ACTN4: variants seen among roughly 807,000 people sequenced by gnomAD.
The protein encoded by ACTN4 is alpha-actinin-4.
A neutral mutation model predicts 114.2 loss-of-function variants in ACTN4; 18 were observed. That is an observed-to-expected ratio of 0.16 (90% CI 0.11 to 0.23). The LOEUF (loss-of-function observed/expected upper bound fraction) is 0.23, where lower values mean the gene tolerates loss of function less well. Ranked by LOEUF, ACTN4 falls within the 10% of genes least tolerant of loss-of-function variation. The probability of loss-of-function intolerance (pLI) is 1.00; values close to 1 mark genes in which losing one functional copy is unlikely to be tolerated. For missense variants in ACTN4, 722 were observed against 1,262.9 expected (o/e 0.57, Z 6.49); for synonymous variants, 515 against 506.3 (o/e 1.02, Z -0.23).
intron 9 of ACTN4, among the ~76,000 whole-genome samples, chr19:38,716,363 G>A (rs370094956): frequency 2.0e-5 from 3 of 152,380 alleles, no homozygotes; most frequent in Admixed American, 1.3e-4. Flanking sequence ...ACTGAGCCAG[G>A]TGGGCTTGTC....
intron 1 of ACTN4, among the ~76,000 whole-genome samples, chr19:38,666,576 G>A (rs973868997): frequency 6.6e-6 from 1 of 152,230 alleles, no homozygotes; most frequent in African/African-American, 2.4e-5. Flanking sequence ...ACACAGGTCC[G>A]CAGTGGGAGC....
Position 38,673,238 on chromosome 19 carries a change from C to G in ACTN4, c.162+25331C>G, listed in dbSNP as rs1167623941. Among the ~76,000 whole-genome samples the G allele has an allele frequency of 7.9e-5, 12 of 151,452 alleles. 1 individual carries two copies. Among genetic ancestry groups the G allele is most frequent in the Admixed American group, 7.3e-4 (11 of 15,082 alleles). ...GATTACAGGCATGAGCCACCACACCCGGCCTATTCATCATTTATTGAGCAT... is the reference window on the plus strand; with the variant it reads ...GATTACAGGCATGAGCCACCACACCGGGCCTATTCATCATTTATTGAGCAT... On this transcript the variant is annotated intron_variant, in intron 1 of 20. Coordinates refer to ENST00000252699, the MANE Select transcript of ACTN4 (RefSeq NM_004924.6).
chr19:38,717,029 C>T lies in ACTN4; in HGVS notation c.913-57C>T. 1.9e-6 allele frequency: 3 copies of T among 1,546,504 alleles called. No individual in the cohort carries two copies. Among genetic ancestry groups the T allele is most frequent in the Non-Finnish European group, 2.6e-6 (3 of 1,138,004 alleles). ...CATGTGCCCATAAGCTGGGGGGCAG[C>T]CCGTCAGCACTCTGAGGGTCCCCCA... On this transcript the variant is annotated intron_variant, in intron 9 of 20. Coordinates refer to ENST00000252699, the MANE Select transcript of ACTN4 (RefSeq NM_004924.6). The surrounding 1 kb of genome is among the most constrained non-coding windows in gnomAD (Gnocchi z 4.0).
Position 38,704,951 on chromosome 19 carries a change from G to A in ACTN4, c.415G>A (p.Ala139Thr), listed in dbSNP as rs1200412339. Residue 139 changes from alanine to threonine, a missense_variant, in exon 4 of 21, where the codon GCA (alanine) becomes ACA (threonine). Ala to Thr is a moderately conservative substitution (Grantham distance 58, BLOSUM62 0). Transcript: ENST00000252699. ...GTGTGCAGAGATTGTGGACGGCAACGCAAAGATGACCCTGGGAATGATCTG... is the reference window on the plus strand; with the variant it reads ...GTGTGCAGAGATTGTGGACGGCAACACAAAGATGACCCTGGGAATGATCTG... ...IGAEEIVDGN[A>T]KMTLGMIWTI... 14 of 1,614,062 alleles carry A rather than the reference G, an allele frequency of 8.7e-6. No homozygotes were observed. Among genetic ancestry groups the A allele is most frequent in the South Asian group, 7.7e-5 (7 of 91,092 alleles).
chr19:38,675,129 G>A (rs1207408380), intron 1 of ACTN4, among the ~76,000 whole-genome samples: 3 of 152,228 alleles, frequency 2.0e-5, no homozygotes, highest in African/African-American at 4.8e-5. Context: ...TGTTTTCTGT[G>A]TTGCTGGTGG....
At chr19:38,652,793 TGTG>T (rs2144821724) in intron 1 of ACTN4, among the ~76,000 whole-genome samples, 1 of 152,212 alleles carries the variant, frequency 6.6e-6, no homozygotes, top group Non-Finnish European at 1.5e-5. Flanking sequence ...TCAGTTAAAA[TGTG>T]GTCTTATGGC....
In ACTN4 at chr19:38,701,007, C is replaced by T. The variant is rs771850037; in HGVS notation, c.283C>T (p.Arg95Trp). Residue 95 changes from arginine to tryptophan, a missense_variant, in exon 3 of 21, where the codon CGG (arginine) becomes TGG (tryptophan). Physicochemically the swap from Arg to Trp is moderately radical, Grantham distance 101. Coordinates refer to ENST00000252699, the MANE Select transcript of ACTN4 (RefSeq NM_004924.6). ...MLLLEVISGE[R>W]LPKPERGKMR... The stretch of plus-strand genomic sequence containing the variant: ...TCTCTTTGTGCACTTCTCAGGGGAG[C>T]GGTTACCTAAGCCGGAGCGGGGGAA... 1.2e-5 allele frequency: 20 copies of T among 1,613,744 alleles called. No individual in the cohort carries two copies. Among genetic ancestry groups the T allele is most frequent in the South Asian group, 2.2e-5 (2 of 91,080 alleles).
At chr19:38,716,900 C>A (rs943034764) in intron 9 of ACTN4, among the ~76,000 whole-genome samples, 186 bp from the exon 10 acceptor site, 1 of 152,372 alleles carries the variant, frequency 6.6e-6, no homozygotes, top group South Asian at 2.1e-4. Context: ...AGGGAGCCCA[C>A]GCTCCCAGAG....
At chr19:38,651,134 C>T (rs1976549958) in intron 1 of ACTN4, among the ~76,000 whole-genome samples, 1 of 152,174 alleles carries the variant, frequency 6.6e-6, no homozygotes, top group Non-Finnish European at 1.5e-5. Context: ...GAATGACAGT[C>T]CTGGGGGTTC....
intron 1 of ACTN4, among the ~76,000 whole-genome samples, chr19:38,690,218 C>T (rs2144953907): frequency 6.6e-6 from 1 of 152,344 alleles, no homozygotes. Context: ...CAACTGCACA[C>T]TCTTCTGGTC....
At chr19:38,690,494 T>C (rs958167026) in intron 1 of ACTN4, among the ~76,000 whole-genome samples, 12 of 152,220 alleles carry the variant, frequency 7.9e-5, no homozygotes, top group Admixed American at 6.5e-5. Context: ...CGGCTTCTAA[T>C]AGAGCTATAA....
intron 1 of ACTN4, among the ~76,000 whole-genome samples, chr19:38,680,522 C>T (rs990700872): frequency 1.3e-5 from 2 of 152,064 alleles, no homozygotes; most frequent in Admixed American, 6.6e-5. Flanking sequence ...TGAATGCCCA[C>T]GTGAGCAAAT....
At chr19:38,673,692 T>TC (rs1491102629) in intron 1 of ACTN4, among the ~76,000 whole-genome samples, 2 of 74,556 alleles carry the variant, frequency 2.7e-5, no homozygotes, top group African/African-American at 1.0e-4. Context: ...TTATATATAT[T>TC]ATATATATTT....
intron 3 of ACTN4, among the ~76,000 whole-genome samples, chr19:38,701,691 C>CTAG (rs1430331987): frequency 6.6e-6 from 1 of 152,232 alleles, no homozygotes; most frequent in African/African-American, 2.4e-5. Context: ...GACCACAGTC[C>CTAG]ACTACCTGCA....
intron 1 of ACTN4, among the ~76,000 whole-genome samples, chr19:38,673,637 TTATATATA>T (rs1258704932): frequency 9.0e-5 from 4 of 44,410 alleles, no homozygotes; most frequent in Non-Finnish European, 1.0e-4. Flanking sequence ...TCATATATAT[TTATATATA>T]TTTATATATT....
intron 4 of ACTN4, among the ~76,000 whole-genome samples, chr19:38,705,565 C>T (rs1162548085): frequency 6.6e-6 from 1 of 152,234 alleles, no homozygotes; most frequent in Non-Finnish European, 1.5e-5. Context: ...GCTTCCTGCC[C>T]TCGAAGGGCT....
intron 1 of ACTN4, among the ~76,000 whole-genome samples, chr19:38,696,035 A>T (rs1025106223): frequency 6.6e-6 from 1 of 151,874 alleles, no homozygotes; most frequent in Non-Finnish European, 1.5e-5. Flanking sequence ...CAGTACTAGC[A>T]CCTCCCTCCA....
In ACTN4 at chr19:38,727,163, C is replaced by G; in HGVS notation, c.2337+60C>G. On this transcript the variant is annotated intron_variant, in intron 18 of 20. Transcript: ENST00000252699. This position sits in a 1 kb window ranked among gnomAD's most constrained non-coding sequence, Gnocchi z 5.4. Reference sequence around the variant, plus strand: ...CCCGCCGTTGCCGTACCAGCCCACACCTTCGTCTCTGCATCTGTTCGTCCA... The same window carrying G: ...CCCGCCGTTGCCGTACCAGCCCACAGCTTCGTCTCTGCATCTGTTCGTCCA... The G allele has an allele frequency of 6.2e-7, 1 of 1,611,988 alleles. No individual in the cohort carries two copies. The highest frequency in any genetic ancestry group is 8.5e-7 in the Non-Finnish European group (1 of 1,178,924).
chr19:38,662,092 A>G (rs1976905141), intron 1 of ACTN4, among the ~76,000 whole-genome samples: 1 of 152,202 alleles, frequency 6.6e-6, no homozygotes, highest in African/African-American at 2.4e-5. Flanking sequence ...AGACAGGCAT[A>G]CAGGCTGATT....
Sources: gnomAD v4.1 joint callset for allele counts (sites outside exome capture counted in the v4.1 genomes callset) on GRCh38, gnomAD v4.1.1 for gene constraint, Gnocchi (gnomAD v3.1) non-coding constraint, MANE v1.5 for transcripts, NCBI Gene and HGNC (gene_info 2026-07-23, HGNC 2026-07-21) for gene names.